The following ADD2 variants were observed in gnomAD, a reference collection of about 807,000 sequenced individuals.
The protein encoded by ADD2 is adducin 2, also known as beta-adducin.
In ADD2, 23 loss-of-function variants were observed where a neutral mutation model predicts 83.0. That is an observed-to-expected ratio of 0.28 (90% confidence interval 0.20 to 0.39). The LOEUF (loss-of-function observed/expected upper bound fraction) is 0.39, where lower values mean the gene tolerates loss of function less well. Among genes scored for constraint, ADD2 ranks in the 10% least tolerant of loss-of-function variants. The pLI, the probability that ADD2 is intolerant of heterozygous loss-of-function variation, is 1.00. For missense variants in ADD2, 758 were observed against 944.9 expected (o/e 0.80, Z 2.59); for synonymous variants, 375 against 375.4 (o/e 1.00, Z 0.01).
At chr2:70,719,525 C>T (rs565686419) in intron 1 of ADD2, among the ~76,000 whole-genome samples, 1 of 152,254 alleles carries the variant, frequency 6.6e-6, no homozygotes, top group South Asian at 2.1e-4. Context: ...CTCATGCCTT[C>T]ATGAAAGGGA....
chr2:70,716,402 C>A (rs1672471026), intron 1 of ADD2, among the ~76,000 whole-genome samples: 1 of 152,050 alleles, frequency 6.6e-6, no homozygotes, highest in African/African-American at 2.4e-5. Flanking sequence ...GCCAGGAACA[C>A]CCTCCTCTCT....
chr2:70,704,393 T>C lies in ADD2; in HGVS notation c.250A>G (p.Ile84Val), dbSNP rs782720349. Residue 84 changes from isoleucine to valine, a missense_variant, in exon 4 of 16, where the codon ATC becomes GTC. Around this residue, in one of 5 missense-constraint regions of ADD2, gnomAD observed 175 missense variants for 192.1 expected, o/e 0.91. Coordinates refer to ENST00000264436, the MANE Select transcript of ADD2 (RefSeq NM_001617.4). ...QMKKGNNSSNIWALRQIADFM... is the reference protein window; with the variant it reads ...QMKKGNNSSNVWALRQIADFM... The stretch of plus-strand genomic sequence containing the variant: ...TCCGCGATCTGTCGCAGGGCCCAGA[T>C]GTTGGAGGAGTTGTTCCCCTTCTTC... 3 of 1,613,924 alleles carry C rather than the reference T, an allele frequency of 1.9e-6. No individual in the cohort carries two copies. Among genetic ancestry groups the C allele is most frequent in the South Asian group, 1.1e-5 (1 of 91,072 alleles).
intron 1 of ADD2, among the ~76,000 whole-genome samples, chr2:70,742,135 T>G (rs751858040): frequency 3.5e-4 from 53 of 152,242 alleles, no homozygotes; most frequent in Admixed American, 5.2e-4. Flanking sequence ...CATCTGAGAC[T>G]ACCAATACCT....
intron 1 of ADD2, among the ~76,000 whole-genome samples, chr2:70,743,008 CT>C (rs1331483514): frequency 4.6e-5 from 7 of 152,196 alleles, no homozygotes; most frequent in African/African-American, 1.7e-4. Context: ...AAGTGAGAAT[CT>C]TGCTTCAAAA....
chr2:70,749,367 G>A (rs1312353854), intron 1 of ADD2, among the ~76,000 whole-genome samples: 4 of 152,152 alleles, frequency 2.6e-5, no homozygotes, highest in Admixed American at 6.5e-5. Context: ...AGAGGCTAAT[G>A]CTAAAAACCT....
Position 70,676,631 on chromosome 2 carries a change from C to A in ADD2, c.1593+165G>T. 1 of 1,467,974 alleles carries A rather than the reference C, an allele frequency of 6.8e-7. No homozygotes were observed. Among genetic ancestry groups the A allele is most frequent in the Non-Finnish European group, 9.1e-7 (1 of 1,102,270 alleles). The allele number at this position is 1,467,974 out of a possible 1,614,324, so 90.9% of individuals were successfully genotyped here. ...ACATTGTCCTCCCTGGTCCTCACAG[C>A]ACCCCTGTGAGGTTGGCCTCCATTT... On this transcript the variant is annotated intron_variant, in intron 13 of 15. Transcript: ENST00000264436. This position sits in a 1 kb window ranked among gnomAD's most constrained non-coding sequence, Gnocchi z 4.8.
At chr2:70,752,518 C>A (rs1428893785) in intron 1 of ADD2, among the ~76,000 whole-genome samples, 1 of 151,950 alleles carries the variant, frequency 6.6e-6, no homozygotes, top group Non-Finnish European at 1.5e-5. Flanking sequence ...ATAATGGAGC[C>A]AAGTAGAAAG....
intron 2 of ADD2, among the ~76,000 whole-genome samples, chr2:70,711,834 G>A (rs1329795789): frequency 1.3e-5 from 2 of 152,218 alleles, no homozygotes; most frequent in African/African-American, 4.8e-5. Flanking sequence ...TATTGAACCT[G>A]AAGAGGGGTC....
chr2:70,751,843 C>T (rs1230152058), intron 1 of ADD2, among the ~76,000 whole-genome samples: 2 of 152,128 alleles, frequency 1.3e-5, no homozygotes, highest in African/African-American at 4.8e-5. Context: ...ATAAAGGAAA[C>T]TTAAGAAAAG....
At chr2:70,749,914 C>T (rs149188629) in intron 1 of ADD2, among the ~76,000 whole-genome samples, 3,026 of 152,298 alleles carry the variant, frequency 0.02, 48 homozygotes, top group Middle Eastern at 0.027. Context: ...TAAGCCACTA[C>T]GGCTAGGTTT....
chr2:70,713,003 T>A (rs1672276674), intron 2 of ADD2, 63 bp downstream of exon 2: 1 of 725,532 alleles, frequency 1.4e-6, no homozygotes, highest in South Asian at 6.2e-5. Context: ...GTACCTCACG[T>A]GATGGGCCCA....
In ADD2 at chr2:70,659,556, T is replaced by TA. The variant is rs1553364665; in HGVS notation, c.*3868dup. On this transcript the variant is annotated 3_prime_UTR_variant, in exon 16 of 16. Coordinates refer to ENST00000264436, the MANE Select transcript of ADD2 (RefSeq NM_001617.4). ...TTCATCCAATTTCCCCCAAGTCCTT[T>TA]AAAAAGAACTTATCTGTTCACAGAG... 6.6e-6 allele frequency: 1 copy of TA among 152,232 alleles called. No individual in the cohort carries two copies. The highest frequency in any genetic ancestry group is 1.5e-5 in the Non-Finnish European group (1 of 68,058). The allele number at this position is 152,232 out of a possible 1,614,324, so 9.4% of individuals were successfully genotyped here. A position where few individuals can be genotyped will look rare whatever the true frequency, so the allele number is the denominator to read the frequency against.
At chr2:70,684,085 G>T (rs1180010239) in intron 9 of ADD2, among the ~76,000 whole-genome samples, 4 of 152,186 alleles carry the variant, frequency 2.6e-5, no homozygotes, top group Non-Finnish European at 4.4e-5. Context: ...AGGGAGGGAA[G>T]ATGAGACAGG....
chr2:70,673,155 C>T (rs1669978379), intron 14 of ADD2, 149 bp from the exon 15 acceptor site: 1 of 1,562,260 alleles, frequency 6.4e-7, no homozygotes, highest in Non-Finnish European at 8.8e-7. Flanking sequence ...AGCTCCTCCC[C>T]CTGACCTTCT....
At chr2:70,718,823 C>T (rs1211421545) in intron 1 of ADD2, among the ~76,000 whole-genome samples, 2 of 152,210 alleles carry the variant, frequency 1.3e-5, no homozygotes, top group Non-Finnish European at 2.9e-5. Flanking sequence ...TACTTCACCA[C>T]ACTTTCTGCC....
chr2:70,693,589 A>C (rs1671158881), intron 6 of ADD2, among the ~76,000 whole-genome samples: 1 of 152,086 alleles, frequency 6.6e-6, no homozygotes, highest in Non-Finnish European at 1.5e-5. Context: ...TGTTCAACAA[A>C]TCTCCACTTA....
chr2:70,716,427 C>T (rs573159899), intron 1 of ADD2, among the ~76,000 whole-genome samples: 1 of 152,232 alleles, frequency 6.6e-6, no homozygotes, highest in African/African-American at 2.4e-5. Flanking sequence ...CTCCTCCCTG[C>T]ATTTCATGTG....
In ADD2 at chr2:70,688,068, C is replaced by T; in HGVS notation, c.904G>A (p.Ala302Thr). The change falls in exon 9 of 16, where the codon GCA becomes ACA. Residue 302 changes from alanine (A) to threonine (T), a missense_variant. Transcript: ENST00000264436. ...TGCAGGTGGAAGATCTTGTAAAATG[C>T]CTCCTCTACCGTGTCACCCAGAGCA... ...VVALGDTVEE[A>T]FYKIFHLQAA... The T allele has an allele frequency of 6.2e-7, 1 of 1,614,166 alleles. No homozygotes were observed. Among genetic ancestry groups the T allele is most frequent in the Non-Finnish European group, 8.5e-7 (1 of 1,179,994 alleles).
At chr2:70,758,406 T>C (rs1674909114) in intron 1 of ADD2, among the ~76,000 whole-genome samples, 1 of 148,858 alleles carries the variant, frequency 6.7e-6, no homozygotes, top group Non-Finnish European at 1.5e-5. Context: ...GGAGAGGGCA[T>C]ATAAGGAGGT....
Sources: gnomAD v4.1 joint callset for allele counts (sites outside exome capture counted in the v4.1 genomes callset) on GRCh38, gnomAD v4.1.1 for gene constraint, gnomAD v4.1.1 regional missense constraint, Gnocchi (gnomAD v3.1) non-coding constraint, MANE v1.5 for transcripts, NCBI Gene and HGNC (gene_info 2026-07-23, HGNC 2026-07-21) for gene names.